Variants in ZHX3 observed in about 807,000 individuals in gnomAD.
The protein encoded by ZHX3 is zinc fingers and homeoboxes protein 3.
In ZHX3, 20 loss-of-function variants were observed where a neutral mutation model predicts 64.5. That is an observed-to-expected ratio of 0.31 (90% CI 0.22 to 0.45). The LOEUF is 0.45. Ranked by LOEUF, ZHX3 falls within the 20% of genes least tolerant of loss-of-function variation. The pLI is 1.00. For synonymous variants in ZHX3, 423 were observed against 461.6 expected, an observed-to-expected ratio of 0.92 and a Z score of 1.07; for missense variants, 1,041 against 1,195.8, an observed-to-expected ratio of 0.87 and a Z score of 1.91.
chr20:41,185,495 C>T lies in ZHX3; in HGVS notation c.2861-294G>A, dbSNP rs529252251. 1 of 529,062 alleles carries T rather than the reference C, an allele frequency of 1.9e-6. No homozygotes were observed. The highest frequency in any genetic ancestry group is 1.9e-5 in the African/African-American group (1 of 52,866). The allele number at this position is 529,062 out of a possible 1,614,324, so 32.8% of individuals were successfully genotyped here. On this transcript the variant is annotated intron_variant, in intron 3 of 3. Transcript: ENST00000683867. This position sits in a 1 kb window ranked among gnomAD's most constrained non-coding sequence, Gnocchi z 5.0. Reference sequence around the variant, plus strand: ...TTGGCCTCTCCAGGCCCACTAAATCCCCCTAGCTCCCCAGGCTTCCGCCAC... The same window carrying T: ...TTGGCCTCTCCAGGCCCACTAAATCTCCCTAGCTCCCCAGGCTTCCGCCAC...
chr20:41,262,264 C>T (rs2042600686), intron 2 of ZHX3, among the ~76,000 whole-genome samples: 1 of 152,194 alleles, frequency 6.6e-6, no homozygotes, highest in South Asian at 2.1e-4. Context: ...TGAACTAGAA[C>T]ATGGCACTCC....
chr20:41,204,865 C>A lies in ZHX3; in HGVS notation c.52G>T (p.Val18Leu). 1 of 1,578,156 alleles carries A rather than the reference C, an allele frequency of 6.3e-7. No homozygotes were observed. The change falls in exon 3 of 4, where the codon GTG becomes TTG. Residue 18 changes from valine to leucine, a missense_variant. Val to Leu is a conservative substitution (Grantham distance 32). Transcript: ENST00000683867. The surrounding 1 kb of genome is among the most constrained non-coding windows in gnomAD (Gnocchi z 6.6). ...TTPCMIPVKTVVLQDASMEAQ... is the reference protein window; with the variant it reads ...TTPCMIPVKTLVLQDASMEAQ... ...TCCATGCTGGCATCTTGCAACACCACAGTCTTCACTGGGATCATGCATGGT... is the reference window on the plus strand; with the variant it reads ...TCCATGCTGGCATCTTGCAACACCAAAGTCTTCACTGGGATCATGCATGGT...
At chr20:41,308,872 G>A (rs553040668) in intron 1 of ZHX3, among the ~76,000 whole-genome samples, 1 of 152,318 alleles carries the variant, frequency 6.6e-6, no homozygotes, top group South Asian at 2.1e-4. Context: ...TTCAGAGACA[G>A]AATTGTGCAC....
At chr20:41,310,963 C>T (rs1980969733) in intron 1 of ZHX3, among the ~76,000 whole-genome samples, 1 of 151,956 alleles carries the variant, frequency 6.6e-6, no homozygotes, top group African/African-American at 2.4e-5. Flanking sequence ...CACGTGCCAC[C>T]ACACCAAGCT....
At chr20:41,304,554 A>G (rs977198292) in intron 1 of ZHX3, among the ~76,000 whole-genome samples, 11 of 152,336 alleles carry the variant, frequency 7.2e-5, no homozygotes, top group African/African-American at 2.6e-4. Flanking sequence ...GAGAAATAGA[A>G]CCAATATGAA....
At chr20:41,298,338 T>C (rs1165609755) in intron 1 of ZHX3, among the ~76,000 whole-genome samples, 1 of 152,206 alleles carries the variant, frequency 6.6e-6, no homozygotes, top group Non-Finnish European at 1.5e-5. Flanking sequence ...AACACAGGGT[T>C]AATGATACAT....
intron 2 of ZHX3, among the ~76,000 whole-genome samples, chr20:41,258,396 G>A (rs1168220745): frequency 1.3e-5 from 2 of 152,056 alleles, no homozygotes; most frequent in East Asian, 3.9e-4. Flanking sequence ...AAGTCGTACC[G>A]GTTTTTTCTA....
chr20:41,203,289 C>G lies in ZHX3; in HGVS notation c.1628G>C (p.Ser543Thr). The G allele has an allele frequency of 6.2e-7, 1 of 1,614,188 alleles. No individual in the cohort carries two copies. Among genetic ancestry groups the G allele is most frequent in the Non-Finnish European group, 8.5e-7 (1 of 1,180,024 alleles). The part of the protein sequence containing the change: ...LSTREVRKWF[S>T]DRRYHCRNLK... ...GTTCCGGCAGTGGTATCTACGATCACTGAACCATTTCCGCACCTCTCTGGT... is the reference window on the plus strand; with the variant it reads ...GTTCCGGCAGTGGTATCTACGATCAGTGAACCATTTCCGCACCTCTCTGGT... Residue 543 changes from serine (S) to threonine (T), a missense_variant, in exon 3 of 4, where the codon AGT becomes ACT. By Grantham distance (58) the Ser-to-Thr change is moderately conservative. Around this residue, in one of 4 missense-constraint regions of ZHX3, gnomAD observed 649 missense variants for 739.8 expected, o/e 0.88. Transcript: ENST00000683867. The surrounding 1 kb of genome is among the most constrained non-coding windows in gnomAD (Gnocchi z 7.1).
chr20:41,271,141 C>T (rs939635858), intron 1 of ZHX3, among the ~76,000 whole-genome samples: 1 of 152,224 alleles, frequency 6.6e-6, no homozygotes, highest in African/African-American at 2.4e-5. Context: ...CTGCCTCAGC[C>T]TCCTGAGTAG....
chr20:41,283,029 C>T (rs1202637460), intron 1 of ZHX3, among the ~76,000 whole-genome samples: 1 of 152,166 alleles, frequency 6.6e-6, no homozygotes, highest in African/African-American at 2.4e-5. Context: ...ATGCCTCAGC[C>T]TCCCAAGTAG....
Position 41,200,142 on chromosome 20 carries a change from T to TC in ZHX3, c.2860+1914dup, listed in dbSNP as rs1358721839. Among the ~76,000 whole-genome samples the TC allele has an allele frequency of 2.0e-5, 3 of 152,170 alleles. 1 individual carries two copies. The highest frequency in any genetic ancestry group is 4.1e-4 in the South Asian group (2 of 4,830). Reference sequence around the variant, plus strand: ...AAAACCATCAAAATTTGTAAGCCTCTCCATCAAGCTCTTCCCTGGATGTTG... The same window carrying TC: ...AAAACCATCAAAATTTGTAAGCCTCTCCCATCAAGCTCTTCCCTGGATGTTG... On this transcript the variant is annotated intron_variant, in intron 3 of 3. Transcript: ENST00000683867. The surrounding 1 kb of genome is among the most constrained non-coding windows in gnomAD (Gnocchi z 4.2).
intron 2 of ZHX3, among the ~76,000 whole-genome samples, chr20:41,227,775 A>G (rs936400495): frequency 1.3e-5 from 2 of 152,220 alleles, no homozygotes; most frequent in African/African-American, 2.4e-5. Flanking sequence ...TTGTTATTAC[A>G]TATTGGCTGG....
chr20:41,180,833 C>G lies in ZHX3; in HGVS notation c.*4358G>C, dbSNP rs1389959117. 1 of 152,282 alleles carries G rather than the reference C, an allele frequency of 6.6e-6. No homozygotes were observed. Among genetic ancestry groups the G allele is most frequent in the African/African-American group, 2.4e-5 (1 of 41,470 alleles). The allele number at this position is 152,282 out of a possible 1,614,324, so 9.4% of individuals were successfully genotyped here. On this transcript the variant is annotated 3_prime_UTR_variant, in exon 4 of 4. Transcript: ENST00000683867. ...TCCAGCCACTCTGTCAAAATCAAAA[C>G]TGGTTGCCTCACCAGCCCTGGTGTG... is the stretch of plus-strand genomic sequence containing the variant.
At position 41,278,461 on chromosome 20, in the gene ZHX3, G is replaced by A. The variant is rs926300803; in HGVS notation, c.-244-9378C>T. Among the ~76,000 whole-genome samples, 3 of 140,454 alleles carry A rather than the reference G, an allele frequency of 2.1e-5. 1 individual carries two copies. Among genetic ancestry groups the A allele is most frequent in the African/African-American group, 5.4e-5 (2 of 37,364 alleles). 92.1% of individuals were successfully genotyped at this position (140,454 alleles called of 152,430 possible). A position where few individuals can be genotyped will look rare whatever the true frequency, so the allele number is the denominator to read the frequency against. On this transcript the variant is annotated intron_variant, in intron 1 of 3. Coordinates refer to ENST00000683867, the MANE Select transcript of ZHX3 (RefSeq NM_001384317.1). ...CACATGCACAATTTTAACCATACTGGGATCATACTGCACATATTGGTATTT... is the reference window on the plus strand; with the variant it reads ...CACATGCACAATTTTAACCATACTGAGATCATACTGCACATATTGGTATTT...
At chr20:41,190,478 A>C (rs995607674) in intron 3 of ZHX3, among the ~76,000 whole-genome samples, 10 of 152,072 alleles carry the variant, frequency 6.6e-5, no homozygotes, top group African/African-American at 2.2e-4. Context: ...GCCAAGGATT[A>C]TTGATATGTG....
At chr20:41,241,131 G>C (rs1346876334) in intron 2 of ZHX3, among the ~76,000 whole-genome samples, 1 of 152,198 alleles carries the variant, frequency 6.6e-6, no homozygotes, top group Non-Finnish European at 1.5e-5. Flanking sequence ...CAGCAACAGT[G>C]TACAAGGTGT....
chr20:41,272,153 A>G (rs1293011706), intron 1 of ZHX3: 2 of 152,212 alleles, frequency 1.3e-5, no homozygotes. Context: ...TTCAACAAAT[A>G]AAAATGAAAA....
At chr20:41,306,804 G>A (rs534374288) in intron 1 of ZHX3, among the ~76,000 whole-genome samples, 1 of 152,130 alleles carries the variant, frequency 6.6e-6, no homozygotes, top group Non-Finnish European at 1.5e-5. Context: ...TCTGGGCCAG[G>A]GCCCCATTTC....
At chr20:41,276,523 T>C (rs756800619) in intron 1 of ZHX3, among the ~76,000 whole-genome samples, 7 of 152,238 alleles carry the variant, frequency 4.6e-5, no homozygotes, top group Non-Finnish European at 1.0e-4. Context: ...GGGTCTCTAA[T>C]TGGGTTCCCC....
Sources: gnomAD v4.1 joint callset for allele counts (sites outside exome capture counted in the v4.1 genomes callset) on GRCh38, gnomAD v4.1.1 for gene constraint, gnomAD v4.1.1 regional missense constraint, Gnocchi (gnomAD v3.1) non-coding constraint, MANE v1.5 for transcripts, NCBI Gene and HGNC (gene_info 2026-07-23, HGNC 2026-07-21) for gene names.